Variants in RNLS observed in about 807,000 individuals in gnomAD.
RNLS encodes renalase.
A neutral mutation model predicts 39.8 loss-of-function variants in RNLS; 39 were observed. The observed-to-expected ratio is 0.98, with a 90% CI of 0.76 to 1.28. RNLS has a LOEUF of 1.28. Among genes scored for constraint, RNLS ranks in the 50% most tolerant of loss-of-function variants. The probability of loss-of-function intolerance (pLI) is 0.00; values close to 1 mark genes in which losing one functional copy is unlikely to be tolerated. For synonymous variants in RNLS, 147 were observed against 150.7 expected, an observed-to-expected ratio of 0.98 and a Z score of 0.18; for missense variants, 410 against 413.3, an observed-to-expected ratio of 0.99 and a Z score of 0.07.
chr10:88,501,019 C>CTG (rs10678689), intron 4 of RNLS, among the ~76,000 whole-genome samples: 62,075 of 150,008 alleles, frequency 0.41, 13,419 homozygotes, highest in East Asian at 0.51. Flanking sequence ...ATATATATCT[C>CTG]TGTGTGTGTG....
chr10:88,378,342 C>T (rs755622407), intron 4 of RNLS, among the ~76,000 whole-genome samples: 8 of 152,194 alleles, frequency 5.3e-5, no homozygotes, highest in African/African-American at 9.6e-5. Context: ...CATCCTGTTT[C>T]TGGCCACTCA....
intron 1 of RNLS, among the ~76,000 whole-genome samples, 184 bp from the exon 2 acceptor site, chr10:88,582,491 G>A (rs1850652766): frequency 6.6e-6 from 1 of 152,184 alleles, no homozygotes. Flanking sequence ...ACAGTGTCCA[G>A]CACCATTATA....
Position 88,523,373 on chromosome 10 carries a change from T to A in RNLS, c.526+49530A>T, listed in dbSNP as rs117844420. ...TCTACTTTCTATTATTCCAAAAAGC[T>A]GAGCATTTATAGACTTTTTGAAAAT... On this transcript the variant is annotated intron_variant, in intron 4 of 6. Transcript: ENST00000331772. 1.5e-3 allele frequency among the ~76,000 whole-genome samples: 234 copies of A among 152,284 alleles called. 2 individuals carry two copies. The highest frequency in any genetic ancestry group is 1.8e-3 in the Non-Finnish European group (120 of 68,016).
chr10:88,192,078 A>ACTTT, the RNLS span, among the ~76,000 whole-genome samples: 1 of 151,976 alleles, frequency 6.6e-6, no homozygotes, highest in Non-Finnish European at 1.5e-5. Flanking sequence ...TACGTAAGGC[A>ACTTT]CTTTCTCAAC....
chr10:88,275,801 T>C (rs1285414605), intron 6 of RNLS, among the ~76,000 whole-genome samples: 3 of 152,184 alleles, frequency 2.0e-5, no homozygotes, highest in Non-Finnish European at 4.4e-5. Flanking sequence ...ACATCTGTAA[T>C]CCTAGCACTT....
chr10:88,319,653 G>A (rs1043656285), intron 5 of RNLS, among the ~76,000 whole-genome samples: 2 of 152,002 alleles, frequency 1.3e-5, no homozygotes, highest in African/African-American at 4.8e-5. Flanking sequence ...ACAGTTGGAA[G>A]CTTTAACAAT....
intron 6 of RNLS, among the ~76,000 whole-genome samples, chr10:88,297,518 G>A (rs917679894): frequency 2.0e-5 from 3 of 151,926 alleles, no homozygotes; most frequent in Admixed American, 6.6e-5. Context: ...ATTAGTGACC[G>A]GTAAACACTA....
intron 4 of RNLS, among the ~76,000 whole-genome samples, chr10:88,558,763 GAAATAAT>G (rs1338364852): frequency 6.6e-6 from 1 of 151,930 alleles, no homozygotes; most frequent in Non-Finnish European, 1.5e-5. Flanking sequence ...AGAGAATTAG[GAAATAAT>G]AAATATAAAA....
At chr10:88,469,749 T>C (rs1843403217) in intron 4 of RNLS, among the ~76,000 whole-genome samples, 1 of 151,844 alleles carries the variant, frequency 6.6e-6, no homozygotes, top group African/African-American at 2.4e-5. Context: ...TGATTGTTCT[T>C]AGAAGACAAA....
At chr10:88,523,083 C>T (rs1207119007) in intron 4 of RNLS, among the ~76,000 whole-genome samples, 1 of 151,774 alleles carries the variant, frequency 6.6e-6, no homozygotes, top group South Asian at 2.1e-4. Context: ...ATTCTATAAA[C>T]AAATCAAAAA....
chr10:88,368,621 A>G (rs1850304463), intron 4 of RNLS, among the ~76,000 whole-genome samples: 1 of 152,114 alleles, frequency 6.6e-6, no homozygotes, highest in African/African-American at 2.4e-5. Flanking sequence ...GCTTACCATA[A>G]GACCAAAAGC....
intron 4 of RNLS, among the ~76,000 whole-genome samples, chr10:88,410,472 A>G (rs1490172493): frequency 6.6e-6 from 1 of 152,186 alleles, no homozygotes; most frequent in East Asian, 1.9e-4. Flanking sequence ...AAGTTCAAAC[A>G]AGAAATGTGC....
intron 4 of RNLS, among the ~76,000 whole-genome samples, chr10:88,517,769 T>C (rs1207311936): frequency 1.3e-5 from 2 of 151,902 alleles, no homozygotes; most frequent in Non-Finnish European, 2.9e-5. Flanking sequence ...ACTCATATAA[T>C]CTTTAACTGA....
chr10:88,434,129 T>C (rs1463549545), intron 4 of RNLS, among the ~76,000 whole-genome samples: 3 of 152,150 alleles, frequency 2.0e-5, no homozygotes, highest in Non-Finnish European at 4.4e-5. Context: ...AACAAAGATG[T>C]ATAACTTTTG....
chr10:88,321,481 A>T (rs764816357), intron 5 of RNLS, among the ~76,000 whole-genome samples: 25 of 152,316 alleles, frequency 1.6e-4, no homozygotes, highest in Middle Eastern at 3.4e-3. Flanking sequence ...ATTGTGACCA[A>T]CAAAATATAC....
rs563972397 is a variant in RNLS, at chr10:88,329,615, T to C, written c.701-14974A>G. Among the ~76,000 whole-genome samples the C allele has an allele frequency of 1.3e-4, 20 of 152,258 alleles. No individual in the cohort carries two copies. The South Asian group carries it at 4.1e-3, about 32-fold the overall frequency. On this transcript the variant is annotated intron_variant, in intron 5 of 6. Coordinates refer to ENST00000331772, the MANE Select transcript of RNLS (RefSeq NM_001031709.3). ...TATTCCCATTCTCTCTAACCTCTTT[T>C]CATGAAATTCTAATTAGGGATATAC...
intron 5 of RNLS, among the ~76,000 whole-genome samples, chr10:88,317,489 C>T (rs1845845924): frequency 6.6e-6 from 1 of 152,194 alleles, no homozygotes; most frequent in Admixed American, 6.5e-5. Context: ...TAAGACTGAT[C>T]ATTACATCAA....
chr10:88,559,202 T>C (rs563580939), intron 4 of RNLS, among the ~76,000 whole-genome samples: 1 of 152,320 alleles, frequency 6.6e-6, no homozygotes, highest in South Asian at 2.1e-4. Context: ...CTACAGTGCA[T>C]AATAAATTTT....
chr10:88,417,060 A>T (rs956354741), intron 4 of RNLS, among the ~76,000 whole-genome samples: 1 of 152,244 alleles, frequency 6.6e-6, no homozygotes, highest in Non-Finnish European at 1.5e-5. Flanking sequence ...TCAGAGAGTT[A>T]TATAGGATGA....
Sources: allele counts gnomAD v4.1 joint callset (sites outside exome capture counted in the v4.1 genomes callset), GRCh38; gene constraint gnomAD v4.1.1; transcripts MANE v1.5; gene names NCBI Gene and HGNC (gene_info 2026-07-23, HGNC 2026-07-21).